Variants in GALNT13 observed in about 807,000 individuals in gnomAD.
The protein encoded by GALNT13 is polypeptide N-acetylgalactosaminyltransferase 13.
In GALNT13, 28 loss-of-function variants were observed where a neutral mutation model predicts 64.2. That is an observed-to-expected ratio of 0.44 (90% CI 0.32 to 0.60). The LOEUF is 0.60. Ranked by LOEUF, GALNT13 falls within the 20% of genes least tolerant of loss-of-function variation. The pLI is 0.05. For missense variants in GALNT13, 577 were observed against 669.8 expected (o/e 0.86, Z 1.53); for synonymous variants, 214 against 224.6 (o/e 0.95, Z 0.42).
At chr2:153,475,207 C>A in the GALNT13 span, among the ~76,000 whole-genome samples, 1 of 152,164 alleles carries the variant, frequency 6.6e-6, no homozygotes, top group African/African-American at 2.4e-5. Flanking sequence ...TACTTGGCAT[C>A]TCTCTAAGTA....
chr2:153,897,016 T>C (rs1249916001), intron 1 of GALNT13, among the ~76,000 whole-genome samples: 1 of 152,196 alleles, frequency 6.6e-6, no homozygotes, highest in Non-Finnish European at 1.5e-5. Flanking sequence ...CTGTGCTTTC[T>C]CTCTATGTGC....
chr2:154,253,983 A>C (rs1690229025), intron 7 of GALNT13, among the ~76,000 whole-genome samples: 1 of 152,196 alleles, frequency 6.6e-6, no homozygotes, highest in Admixed American at 6.5e-5. Context: ...CTTGAGATAC[A>C]CAGTGATAAG....
chr2:153,770,433 G>C, the GALNT13 span, among the ~76,000 whole-genome samples: 7 of 152,182 alleles, frequency 4.6e-5, no homozygotes, highest in Non-Finnish European at 1.0e-4. Flanking sequence ...CATATGAGCA[G>C]GTTCACTGGC....
intron 9 of GALNT13, among the ~76,000 whole-genome samples, chr2:154,384,602 T>C (rs1698419635): frequency 6.6e-6 from 1 of 151,866 alleles, no homozygotes; most frequent in Non-Finnish European, 1.5e-5. Flanking sequence ...AGCTTTTAAA[T>C]CATATGTCAT....
At chr2:153,289,573 G>T in the GALNT13 span, among the ~76,000 whole-genome samples, 3 of 152,224 alleles carry the variant, frequency 2.0e-5, no homozygotes, top group South Asian at 6.2e-4. Context: ...GGATTTTTGT[G>T]TATCAGTCCA....
the GALNT13 span, among the ~76,000 whole-genome samples, chr2:153,386,711 A>G: frequency 4.6e-5 from 7 of 151,954 alleles, no homozygotes; most frequent in Admixed American, 4.6e-4. Flanking sequence ...TAAGTTATGC[A>G]CCCCTCTCCA....
rs1482577204 is a variant in GALNT13 at position 154,387,129 on chromosome 2, CTGACATGCTAA to C, written c.1157-8858_1157-8848del. 3.3e-5 allele frequency among the ~76,000 whole-genome samples: 5 copies of C among 152,062 alleles called. 1 individual carries two copies. Among genetic ancestry groups the C allele is most frequent in the Admixed American group, 3.3e-4 (5 of 15,252 alleles). ...CAGCCAGTTAATGTAGTTCTGTCCA[CTGACATGCTAA>C]TGAGAACTTATGAGCCTGGGTAATT... is the stretch of plus-strand genomic sequence containing the variant. On this transcript the variant is annotated intron_variant, in intron 9 of 12. Coordinates refer to ENST00000392825, the MANE Select transcript of GALNT13 (RefSeq NM_052917.4).
At chr2:154,266,442 T>C (rs907687182) in intron 8 of GALNT13, among the ~76,000 whole-genome samples, 1 of 152,034 alleles carries the variant, frequency 6.6e-6, no homozygotes, top group African/African-American at 2.4e-5. Context: ...AAGAACAATG[T>C]ATAAAAGTCA....
the GALNT13 span, among the ~76,000 whole-genome samples, chr2:153,162,592 G>A: frequency 1.3e-5 from 2 of 152,138 alleles, no homozygotes; most frequent in African/African-American, 4.8e-5. Flanking sequence ...AAATGAAACA[G>A]AGAAAATAGC....
At chr2:153,979,069 A>T (rs1434203817) in intron 3 of GALNT13, among the ~76,000 whole-genome samples, 2 of 152,322 alleles carry the variant, frequency 1.3e-5, no homozygotes, top group East Asian at 3.9e-4. Context: ...TTAATATATA[A>T]GAAACACTCT....
At chr2:153,411,780 G>A in the GALNT13 span, among the ~76,000 whole-genome samples, 2 of 152,174 alleles carry the variant, frequency 1.3e-5, no homozygotes, top group East Asian at 3.9e-4. Context: ...AAATGCTTTT[G>A]CCTCTCCAAA....
At chr2:153,506,081 C>G in the GALNT13 span, among the ~76,000 whole-genome samples, 1 of 152,100 alleles carries the variant, frequency 6.6e-6, no homozygotes, top group Non-Finnish European at 1.5e-5. Context: ...TAGACTAGAA[C>G]TTTTATCATT....
the GALNT13 span, among the ~76,000 whole-genome samples, chr2:153,376,910 A>G: frequency 5.3e-5 from 8 of 152,206 alleles, no homozygotes; most frequent in Non-Finnish European, 7.3e-5. Flanking sequence ...GTGAATGTAT[A>G]TAAGTACTTG....
the GALNT13 span, among the ~76,000 whole-genome samples, chr2:153,637,764 A>G: frequency 6.6e-6 from 1 of 152,200 alleles, no homozygotes; most frequent in South Asian, 2.1e-4. Context: ...AGCTATTGAT[A>G]AAAATAACCA....
At chr2:153,832,365 G>C in the GALNT13 span, among the ~76,000 whole-genome samples, 3 of 152,112 alleles carry the variant, frequency 2.0e-5, no homozygotes, top group Non-Finnish European at 4.4e-5. Flanking sequence ...TTTAGTATGA[G>C]AGTCTCGATA....
In GALNT13 at chr2:154,126,642, C is replaced by CAAA. The variant is rs61506112; in HGVS notation, c.143-13685_143-13683dup. On this transcript the variant is annotated intron_variant, in intron 3 of 12. Coordinates refer to ENST00000392825, the MANE Select transcript of GALNT13 (RefSeq NM_052917.4). ...AGAGCGAGACTCCGTCTCAAAAAAA[C>CAAA]AAAAAAAAAAAACAAAAAAAAGAAA... Among the ~76,000 whole-genome samples, 18 of 130,726 alleles carry CAAA rather than the reference C, an allele frequency of 1.4e-4. 1 individual carries two copies. Among genetic ancestry groups the CAAA allele is most frequent in the East Asian group, 8.4e-4 (4 of 4,790 alleles). 85.8% of individuals were successfully genotyped at this position (130,726 alleles called of 152,430 possible). A position where few individuals can be genotyped will look rare whatever the true frequency, so the allele number is the denominator to read the frequency against.
chr2:153,999,519 A>G (rs975890203), intron 3 of GALNT13, among the ~76,000 whole-genome samples: 1 of 152,014 alleles, frequency 6.6e-6, no homozygotes, highest in East Asian at 1.9e-4. Flanking sequence ...AATTTTTATT[A>G]TGAGGGGATG....
chr2:154,206,044 T>C (rs11899113), intron 4 of GALNT13, among the ~76,000 whole-genome samples: 71,695 of 151,574 alleles, frequency 0.47, 17,887 homozygotes, highest in Middle Eastern at 0.63. Context: ...GTCACCCAGG[T>C]GGGAGTGCAG....
intron 9 of GALNT13, among the ~76,000 whole-genome samples, chr2:154,383,987 T>C (rs16836980): frequency 0.055 from 8,391 of 151,894 alleles, 265 homozygotes; most frequent in Middle Eastern, 0.11. Flanking sequence ...AGCTAATATT[T>C]AGAGAATGTC....
Sources: allele counts gnomAD v4.1 joint callset (sites outside exome capture counted in the v4.1 genomes callset), GRCh38; gene constraint gnomAD v4.1.1; transcripts MANE v1.5; gene names NCBI Gene and HGNC (gene_info 2026-07-23, HGNC 2026-07-21).